The following RAD18 variants were observed in gnomAD, a reference collection of about 807,000 sequenced individuals.
RAD18 encodes E3 ubiquitin-protein ligase RAD18.
Under a neutral mutation model 60.4 loss-of-function variants are expected in RAD18, and 47 were observed. The ratio of observed to expected loss-of-function variants is 0.78; its 90% CI spans 0.62 to 0.99. The LOEUF (loss-of-function observed/expected upper bound fraction) is 0.99, where lower values mean the gene tolerates loss of function less well. Ranked by LOEUF, RAD18 falls within the 50% of genes least tolerant of loss-of-function variation. RAD18 has a pLI of 0.00. For missense variants in RAD18, 640 were observed against 593.3 expected (o/e 1.08, Z -0.82); for synonymous variants, 225 against 195.5 (o/e 1.15, Z -1.26).
intron 4 of RAD18, among the ~76,000 whole-genome samples, chr3:8,943,342 A>AG (rs1379004711): frequency 6.6e-6 from 1 of 151,712 alleles, no homozygotes; most frequent in Non-Finnish European, 1.5e-5. Context: ...TAAAGAAAAA[A>AG]AAAGAAAAGG....
intron 7 of RAD18, among the ~76,000 whole-genome samples, chr3:8,915,147 CAAAA>C (rs373157801): frequency 3.0e-5 from 3 of 101,458 alleles, no homozygotes; most frequent in Non-Finnish European, 3.8e-5. Context: ...GACTCCGTCT[CAAAA>C]AAAAAAAAAA....
chr3:8,955,409 T>TA (rs909160726), intron 2 of RAD18, among the ~76,000 whole-genome samples: 12 of 151,966 alleles, frequency 7.9e-5, no homozygotes, highest in Non-Finnish European at 1.3e-4. Context: ...CTGCTAAGAA[T>TA]AAAAAAAAGC....
At chr3:8,911,897 C>T (rs1940111131) in intron 9 of RAD18, among the ~76,000 whole-genome samples, 1 of 152,114 alleles carries the variant, frequency 6.6e-6, no homozygotes. Context: ...TGGGAGGTTG[C>T]TAACAAGCAA....
intron 2 of RAD18, among the ~76,000 whole-genome samples, chr3:8,955,007 C>T (rs1204533073): frequency 1.3e-5 from 2 of 152,204 alleles, no homozygotes. Context: ...CTGACTTCCT[C>T]TTAAAGAATG....
intron 11 of RAD18, among the ~76,000 whole-genome samples, chr3:8,896,103 G>C (rs570148819): frequency 2.0e-5 from 3 of 152,314 alleles, no homozygotes; most frequent in African/African-American, 7.2e-5. Flanking sequence ...ATCTGGGCAT[G>C]CTGTCTTCTG....
Position 8,935,940 on chromosome 3 carries a change from G to A in RAD18, c.820C>T (p.Leu274Phe). ...GLSIQGNKQQLIKRHQEFVHM... is the reference protein window; with the variant it reads ...GLSIQGNKQQFIKRHQEFVHM... Reference sequence around the variant, plus strand: ...ACAAATTCTTGGTGCCTTTTAATGAGCTGTTGTTTATTTCCTTGAATAGAT... The same window carrying A: ...ACAAATTCTTGGTGCCTTTTAATGAACTGTTGTTTATTTCCTTGAATAGAT... The change falls in exon 7 of 13, where the codon CTC becomes TTC. Residue 274 changes from leucine (L) to phenylalanine (F), a missense_variant. Transcript: ENST00000264926. 1 of 1,611,960 alleles carries A rather than the reference G, an allele frequency of 6.2e-7. No homozygotes were observed.
chr3:8,917,597 C>T (rs11721073), intron 7 of RAD18, among the ~76,000 whole-genome samples: 17,595 of 151,912 alleles, frequency 0.12, 1,134 homozygotes, highest in East Asian at 0.23. Flanking sequence ...GAAAGATGTA[C>T]ACTGCAAACC....
At chr3:8,944,912 G>A (rs1454173977) in intron 4 of RAD18, among the ~76,000 whole-genome samples, 1 of 151,996 alleles carries the variant, frequency 6.6e-6, no homozygotes, top group Non-Finnish European at 1.5e-5. Flanking sequence ...AACTGTAGTC[G>A]GCCCTTCCCA....
At position 8,950,156 on chromosome 3, in the gene RAD18, G is replaced by A. The variant is rs1409790153; in HGVS notation, c.134-1586C>T. Among the ~76,000 whole-genome samples the A allele has an allele frequency of 1.8e-4, 27 of 152,112 alleles. No homozygotes were observed. In the East Asian group the frequency reaches 1.9e-3, roughly 11 times the overall value. On this transcript the variant is annotated intron_variant, in intron 2 of 12. Transcript: ENST00000264926. ...AGTGATTCTCCCGCCTCAGCCTCCC[G>A]AGTAGCTGGGATTACAGGTGTGCGC...
intron 12 of RAD18, among the ~76,000 whole-genome samples, chr3:8,881,676 T>C (rs1367108678): frequency 1.3e-5 from 2 of 152,224 alleles, no homozygotes; most frequent in South Asian, 4.1e-4. Context: ...GAACCCCTTT[T>C]TCTGAATTAA....
At chr3:8,961,673 G>A (rs1941096686) in intron 1 of RAD18, among the ~76,000 whole-genome samples, 1 of 152,166 alleles carries the variant, frequency 6.6e-6, no homozygotes, top group African/African-American at 2.4e-5. Context: ...AATACTGAAA[G>A]GGGCTGGTTT....
chr3:8,927,107 T>C (rs1468677078), intron 7 of RAD18, among the ~76,000 whole-genome samples: 1 of 152,126 alleles, frequency 6.6e-6, no homozygotes, highest in South Asian at 2.1e-4. Context: ...GAAACTACCA[T>C]CAGAGTGAGC....
chr3:8,898,987 G>A lies in RAD18; in HGVS notation c.1229C>T (p.Pro410Leu). The change falls in exon 11 of 13, where the codon CCA (proline) becomes CTA (leucine). Residue 410 changes from proline (P) to leucine (L), a missense_variant. Transcript: ENST00000264926. ...NHFSQSKLDS[P>L]EELEPDREED... Reference sequence around the variant, plus strand: ...TTCTCTGTCAGGTTCCAATTCCTCTGGGGAGTCCAGCTTTGATTGAGAAAA... The same window carrying A: ...TTCTCTGTCAGGTTCCAATTCCTCTAGGGAGTCCAGCTTTGATTGAGAAAA... The A allele has an allele frequency of 1.3e-5, 21 of 1,609,680 alleles. No homozygotes were observed. Among genetic ancestry groups the A allele is most frequent in the Non-Finnish European group, 1.8e-5 (21 of 1,177,176 alleles).
In RAD18 at chr3:8,935,876, T is replaced by A. The variant is rs952312640; in HGVS notation, c.884A>T (p.Lys295Ile). ...TCACTGTTTTATTACTTTACCTGAT[T>A]TAGGATGCAAAGCATCGCATTGGGC... ...YNAQCDALHP[K>I]SAAEIVREIE... is the part of the protein sequence containing the mutation. Residue 295 changes from lysine (K) to isoleucine (I), a missense_variant, in exon 7 of 13, where the codon AAA (lysine) becomes ATA (isoleucine). Coordinates refer to ENST00000264926, the MANE Select transcript of RAD18 (RefSeq NM_020165.4). 1.3e-6 allele frequency: 2 copies of A among 1,577,966 alleles called. No individual in the cohort carries two copies. The highest frequency in any genetic ancestry group is 1.7e-6 in the Non-Finnish European group (2 of 1,166,188).
intron 2 of RAD18, among the ~76,000 whole-genome samples, chr3:8,948,883 G>A (rs1940881644): frequency 6.6e-6 from 1 of 152,106 alleles, no homozygotes; most frequent in Non-Finnish European, 1.5e-5. Flanking sequence ...AAACCTGCCA[G>A]ATATCTCTAC....
At chr3:8,939,490 C>T (rs1940708646) in intron 6 of RAD18, 64 bp downstream of exon 6, 5 of 1,328,778 alleles carry the variant, frequency 3.8e-6, no homozygotes, top group South Asian at 2.5e-5. Context: ...CTGTAATTTT[C>T]CCCCAAGTAA....
chr3:8,919,155 C>A (rs1015247095), intron 7 of RAD18, among the ~76,000 whole-genome samples: 2 of 152,090 alleles, frequency 1.3e-5, no homozygotes, highest in Non-Finnish European at 2.9e-5. Context: ...ATAAAGTAGA[C>A]CAAAATAACA....
intron 4 of RAD18, among the ~76,000 whole-genome samples, chr3:8,942,145 T>G (rs539569438): frequency 6.6e-6 from 1 of 152,312 alleles, no homozygotes; most frequent in African/African-American, 2.4e-5. Flanking sequence ...CACTGAAATG[T>G]GATTCCCAGT....
intron 1 of RAD18, among the ~76,000 whole-genome samples, chr3:8,962,713 A>G (rs1334750902): frequency 6.6e-6 from 1 of 152,230 alleles, no homozygotes; most frequent in Non-Finnish European, 1.5e-5. Context: ...TGGCCACAAA[A>G]ATAAATGTTA....
Sources: gnomAD v4.1 joint callset for allele counts (sites outside exome capture counted in the v4.1 genomes callset) on GRCh38, gnomAD v4.1.1 for gene constraint, MANE v1.5 for transcripts, NCBI Gene and HGNC (gene_info 2026-07-23, HGNC 2026-07-21) for gene names.